Variants in TTC28 observed in about 807,000 individuals in gnomAD.
The protein encoded by TTC28 is tetratricopeptide repeat protein 28.
Under a neutral mutation model 198.0 loss-of-function variants are expected in TTC28, and 61 were observed. The ratio of observed to expected loss-of-function variants is 0.31; its 90% CI spans 0.25 to 0.38. TTC28 has a LOEUF of 0.38. Ranked by LOEUF, TTC28 falls within the 10% of genes least tolerant of loss-of-function variation. The pLI, the probability that TTC28 is intolerant of heterozygous loss-of-function variation, is 1.00. For synonymous variants in TTC28, 1,171 were observed against 1,297.8 expected (o/e 0.90, Z 2.10); for missense variants, 2,678 against 3,164.0 (o/e 0.85, Z 3.69).
intron 13 of TTC28, among the ~76,000 whole-genome samples, chr22:28,020,337 T>C (rs553784827): frequency 1.1e-4 from 17 of 152,364 alleles, no homozygotes; most frequent in Admixed American, 2.6e-4. Context: ...CTTCAGATGA[T>C]GTTTATTAAC....
At chr22:28,125,928 C>T (rs527578806) in intron 6 of TTC28, among the ~76,000 whole-genome samples, 8 of 152,250 alleles carry the variant, frequency 5.3e-5, no homozygotes, top group Admixed American at 3.9e-4. Flanking sequence ...AAATACTACT[C>T]TGGGGGCTTA....
chr22:28,249,242 C>T (rs1930339657), intron 5 of TTC28, among the ~76,000 whole-genome samples: 1 of 151,990 alleles, frequency 6.6e-6, no homozygotes, highest in Admixed American at 6.6e-5. Flanking sequence ...AAAATGAGGA[C>T]AAGAACAGTA....
intron 12 of TTC28, among the ~76,000 whole-genome samples, chr22:28,079,524 T>A (rs1026976221): frequency 2.6e-5 from 4 of 152,046 alleles, no homozygotes; most frequent in Admixed American, 6.6e-5. Context: ...CTCCTACCCA[T>A]CCCTGAGGAC....
intron 1 of TTC28, 74 bp downstream of exon 1, chr22:28,679,548 T>C: frequency 9.6e-7 from 1 of 1,043,358 alleles, no homozygotes; most frequent in Non-Finnish European, 1.3e-6. Flanking sequence ...CCTCTGCCGC[T>C]GAGGCCCGGC....
chr22:28,595,262 T>A (rs1340610160), intron 2 of TTC28, among the ~76,000 whole-genome samples: 1 of 152,184 alleles, frequency 6.6e-6, no homozygotes, highest in Non-Finnish European at 1.5e-5. Context: ...ACCACCATCT[T>A]TTTGTAGAAA....
chr22:28,414,375 G>A (rs1476888580), intron 2 of TTC28, among the ~76,000 whole-genome samples: 2 of 152,136 alleles, frequency 1.3e-5, no homozygotes, highest in African/African-American at 4.8e-5. Context: ...GTAAAGTGAT[G>A]GACAGTATAA....
At chr22:28,541,185 G>A (rs537806457) in intron 2 of TTC28, among the ~76,000 whole-genome samples, 3 of 152,248 alleles carry the variant, frequency 2.0e-5, no homozygotes, top group South Asian at 4.1e-4. Context: ...AATGAACAAC[G>A]TATATAAAAC....
chr22:28,482,806 T>A (rs1601453563), intron 2 of TTC28, among the ~76,000 whole-genome samples: 1 of 152,208 alleles, frequency 6.6e-6, no homozygotes, highest in East Asian at 1.9e-4. Context: ...GAACATTTCA[T>A]ATCAATGAAA....
chr22:28,662,553 C>T (rs1017227166), intron 1 of TTC28, among the ~76,000 whole-genome samples: 4 of 152,190 alleles, frequency 2.6e-5, no homozygotes, highest in Admixed American at 6.5e-5. Context: ...AGTATTTAAA[C>T]AGTACTGACA....
In TTC28 at chr22:28,030,360, ACAGGCCCTG is replaced by A; in HGVS notation, c.3933-3_3938del. 1 of 1,551,822 alleles carries A rather than the reference ACAGGCCCTG, an allele frequency of 6.4e-7. No individual in the cohort carries two copies. The highest frequency in any genetic ancestry group is 2.4e-5 in the East Asian group (1 of 40,920). On this transcript the variant is annotated splice_acceptor_variant and splice_polypyrimidine_tract_variant and coding_sequence_variant and intron_variant, in exon 13 of 23. Coordinates refer to ENST00000397906, the MANE Select transcript of TTC28 (RefSeq NM_001145418.2). LOFTEE classifies it high-confidence loss of function. ...CTTCACTCTCTGTCTCACTGCTGGC[ACAGGCCCTG>A]CAGGAAAAATTGCAGAAAAAGCCAA...
At position 28,063,242 on chromosome 22, in the gene TTC28, G is replaced by A. The variant is rs1449791133; in HGVS notation, c.3932+30838C>T. Among the ~76,000 whole-genome samples, 2 of 152,134 alleles carry A rather than the reference G, an allele frequency of 1.3e-5. 1 individual carries two copies. Among genetic ancestry groups the A allele is most frequent in the Non-Finnish European group, 2.9e-5 (2 of 68,032 alleles). ...AAAATTTGAGTTTTCCACTCTCTAG[G>A]TCTTTCCATTCCAAGATATCCATGT... On this transcript the variant is annotated intron_variant, in intron 12 of 22. Transcript: ENST00000397906.
chr22:28,129,200 G>GA (rs1366093409), intron 6 of TTC28, among the ~76,000 whole-genome samples: 6 of 152,122 alleles, frequency 3.9e-5, no homozygotes, highest in Non-Finnish European at 2.9e-5. Flanking sequence ...GTTCCCGATG[G>GA]AAATCCCATT....
intron 2 of TTC28, among the ~76,000 whole-genome samples, chr22:28,540,068 C>T (rs1459571964): frequency 3.3e-5 from 5 of 151,500 alleles, no homozygotes; most frequent in Admixed American, 6.6e-5. Context: ...CCTCAGCCTC[C>T]GAGTAGCTGG....
chr22:28,518,831 A>G (rs969052258), intron 2 of TTC28, among the ~76,000 whole-genome samples: 1 of 152,330 alleles, frequency 6.6e-6, no homozygotes, highest in Middle Eastern at 3.4e-3. Context: ...GCTGTACTCA[A>G]TACAGTCTCC....
At chr22:28,096,728 C>T (rs1018507330) in intron 10 of TTC28, among the ~76,000 whole-genome samples, 2 of 152,016 alleles carry the variant, frequency 1.3e-5, no homozygotes, top group Non-Finnish European at 2.9e-5. Flanking sequence ...TGAGTTGCTC[C>T]CTAACCTGGC....
chr22:28,528,522 G>A (rs1362821894), intron 2 of TTC28, among the ~76,000 whole-genome samples: 1 of 151,520 alleles, frequency 6.6e-6, no homozygotes, highest in Non-Finnish European at 1.5e-5. Flanking sequence ...TTGAGGTTAG[G>A]AGCTCTGGAC....
At chr22:28,540,427 A>T (rs892941772) in intron 2 of TTC28, among the ~76,000 whole-genome samples, 1 of 152,176 alleles carries the variant, frequency 6.6e-6, no homozygotes, top group African/African-American at 2.4e-5. Flanking sequence ...TAAAATCTAT[A>T]TATTCAGTGT....
intron 1 of TTC28, among the ~76,000 whole-genome samples, chr22:28,633,979 G>T (rs1404443552): frequency 6.6e-6 from 1 of 152,044 alleles, no homozygotes; most frequent in East Asian, 1.9e-4. Context: ...AGGCCTCTAA[G>T]AGCAAAGAAA....
chr22:28,075,408 G>A (rs142598536), intron 12 of TTC28, among the ~76,000 whole-genome samples: 6 of 151,982 alleles, frequency 3.9e-5, no homozygotes, highest in Admixed American at 3.3e-4. Flanking sequence ...AGCAGATACA[G>A]CTGAGCCTGA....
Sources: allele counts gnomAD v4.1 joint callset (sites outside exome capture counted in the v4.1 genomes callset), GRCh38; gene constraint gnomAD v4.1.1; transcripts MANE v1.5; gene names NCBI Gene and HGNC (gene_info 2026-07-23, HGNC 2026-07-21).